Variants in CYB5D2 observed in about 807,000 individuals in gnomAD.
CYB5D2 encodes the protein neuferricin.
A neutral mutation model predicts 22.8 loss-of-function variants in CYB5D2; 23 were observed. The observed-to-expected ratio is 1.01, with a 90% CI of 0.73 to 1.43. CYB5D2 has a LOEUF of 1.43. Among genes scored for constraint, CYB5D2 ranks in the 40% most tolerant of loss-of-function variants. The pLI is 0.00. For synonymous variants in CYB5D2, 170 were observed against 152.2 expected (o/e 1.12, Z -0.86); for missense variants, 373 against 357.2 (o/e 1.04, Z -0.36).
Position 4,143,795 on chromosome 17 carries a change from G to A in CYB5D2, c.40G>A (p.Ala14Thr), listed in dbSNP as rs754434899. The change falls in exon 1 of 4, where the codon GCT becomes ACT. Residue 14 changes from alanine (A) to threonine (T), a missense_variant. Coordinates refer to ENST00000301391, the MANE Select transcript of CYB5D2 (RefSeq NM_144611.4). ...AGGCCGTGGGCTTTTGTTGGGCCTG[G>A]CTGTAGCCGCAGCAGCGGTAATGGC... Reference protein sequence around the residue: ...CGGRGLLLGLAVAAAAVMAAR... With the variant: ...CGGRGLLLGLTVAAAAVMAAR... 2 of 1,613,958 alleles carry A rather than the reference G, an allele frequency of 1.2e-6. No homozygotes were observed. The highest frequency in any genetic ancestry group is 1.1e-5 in the South Asian group (1 of 91,088).
chr17:4,156,291 T>G (rs1399744196), intron 3 of CYB5D2, among the ~76,000 whole-genome samples: 1 of 152,224 alleles, frequency 6.6e-6, no homozygotes, highest in Non-Finnish European at 1.5e-5. Context: ...ATCCTCCGTG[T>G]CTGAAGCCTA....
rs921353724 is a variant in CYB5D2 at position 4,144,125 on chromosome 17, A to G, written c.250+120A>G. 21 of 1,369,778 alleles carry G rather than the reference A, an allele frequency of 1.5e-5. No individual in the cohort carries two copies. In the African/African-American group the frequency reaches 2.9e-4, roughly 19 times the overall value. The allele number at this position is 1,369,778 out of a possible 1,614,324, so 84.9% of individuals were successfully genotyped here. A position where few individuals can be genotyped will look rare whatever the true frequency, so the allele number is the denominator to read the frequency against. On this transcript the variant is annotated intron_variant, in intron 1 of 3. Transcript: ENST00000301391. ...CCCCATCCCCACCCCACATCCATCA[A>G]ACCCGTGCGGTGGGCGGGACGAGCT...
rs758252135 is a variant in CYB5D2, at chr17:4,154,838, C to T, written c.556C>T (p.Arg186Trp). ...GGAGTGGAGCTCAGCCAGGGGCAGCCGGCTCTGGTGCTCCCAGAAGAGGTA... is the reference window on the plus strand; with the variant it reads ...GGAGTGGAGCTCAGCCAGGGGCAGCTGGCTCTGGTGCTCCCAGAAGAGGTA... ...NAEWSSARGSRLWCSQKSGGV... is the reference protein window; with the variant it reads ...NAEWSSARGSWLWCSQKSGGV... Residue 186 changes from arginine to tryptophan, a missense_variant, in exon 3 of 4, where the codon CGG (arginine) becomes TGG (tryptophan). Transcript: ENST00000301391. 1.4e-5 allele frequency: 23 copies of T among 1,613,570 alleles called. No individual in the cohort carries two copies. Among genetic ancestry groups the T allele is most frequent in the Admixed American group, 1.0e-4 (6 of 59,940 alleles).
In CYB5D2 at chr17:4,154,863, A is replaced by C. The variant is rs756745565; in HGVS notation, c.578+3A>C. 6.2e-7 allele frequency: 1 copy of C among 1,607,890 alleles called. No homozygotes were observed. The highest frequency in any genetic ancestry group is 8.5e-7 in the Non-Finnish European group (1 of 1,176,722). On this transcript the variant is annotated splice_donor_region_variant and intron_variant, in intron 3 of 3. Coordinates refer to ENST00000301391, the MANE Select transcript of CYB5D2 (RefSeq NM_144611.4). The stretch of plus-strand genomic sequence containing the variant: ...CGGCTCTGGTGCTCCCAGAAGAGGT[A>C]AGCAGGCTCCCCTTCTTCTCCTTTC...
Position 4,146,623 on chromosome 17 carries a change from C to T in CYB5D2, c.250+2618C>T, listed in dbSNP as rs547843315. On this transcript the variant is annotated intron_variant, in intron 1 of 3. Transcript: ENST00000301391. ...GCCAGGATGGTCTCGATCTCCTGAC[C>T]TCGTGATCTGCCTACCTCAGCCTCC... Among the ~76,000 whole-genome samples, 5 of 152,022 alleles carry T rather than the reference C, an allele frequency of 3.3e-5. No homozygotes were observed. The South Asian group carries it at 8.3e-4, about 25-fold the overall frequency.
chr17:4,157,156 C>A lies in CYB5D2; in HGVS notation c.*74C>A. ...TGAGTAGGCCCTTGACACTTGTGTG[C>A]CCTGGGATGCCTCCTGGCGCGAATC... On this transcript the variant is annotated 3_prime_UTR_variant, in exon 4 of 4. Coordinates refer to ENST00000301391, the MANE Select transcript of CYB5D2 (RefSeq NM_144611.4). This position sits in a 1 kb window ranked among gnomAD's most constrained non-coding sequence, Gnocchi z 4.4. The A allele has an allele frequency of 6.7e-7, 1 of 1,501,316 alleles. No homozygotes were observed. Among genetic ancestry groups the A allele is most frequent in the Non-Finnish European group, 9.1e-7 (1 of 1,096,844 alleles). 93.0% of individuals were successfully genotyped at this position (1,501,316 alleles called of 1,614,324 possible).
Position 4,143,899 on chromosome 17 carries a change from C to T in CYB5D2, c.144C>T (p.Gly48=), listed in dbSNP as rs1448357387. Residue 48 remains glycine (G), a synonymous_variant, in exon 1 of 4, where the codon GGC becomes GGT. Coordinates refer to ENST00000301391, the MANE Select transcript of CYB5D2 (RefSeq NM_144611.4). ...FIPEELSRYR[G]GPGDPGLYLA... The stretch of plus-strand genomic sequence containing the variant: ...CGGAGGAGCTGTCTCGCTACCGCGG[C>T]GGCCCAGGGGACCCGGGCCTGTACT... The T allele has an allele frequency of 6.2e-7, 1 of 1,613,984 alleles. No individual in the cohort carries two copies. The highest frequency in any genetic ancestry group is 8.5e-7 in the Non-Finnish European group (1 of 1,180,026).
intron 1 of CYB5D2, among the ~76,000 whole-genome samples, chr17:4,145,290 A>T (rs2058975799): frequency 6.6e-6 from 1 of 152,224 alleles, no homozygotes; most frequent in African/African-American, 2.4e-5. Context: ...CTGTCTAGGA[A>T]GTACTAAAGA....
Position 4,143,228 on chromosome 17 carries a change from C to T in CYB5D2, c.-528C>T, listed in dbSNP as rs2058905768. 1.6e-5 allele frequency: 4 copies of T among 254,910 alleles called. No individual in the cohort carries two copies. In the Admixed American group the frequency reaches 1.7e-4, roughly 11 times the overall value. The allele number at this position is 254,910 out of a possible 1,614,324, so 15.8% of individuals were successfully genotyped here. On this transcript the variant is annotated 5_prime_UTR_variant, in exon 1 of 4. Transcript: ENST00000301391. ...TTTGTTGGGGCTGACAACCTGCAAGCCAAGAAGTACGAGAAGGGCCAGGCG... is the reference window on the plus strand; with the variant it reads ...TTTGTTGGGGCTGACAACCTGCAAGTCAAGAAGTACGAGAAGGGCCAGGCG...
In CYB5D2 at chr17:4,143,606, A is replaced by G. The variant is rs939381979; in HGVS notation, c.-150A>G. On this transcript the variant is annotated 5_prime_UTR_variant, in exon 1 of 4. Transcript: ENST00000301391. ...CAGTGCCAGGAATACAGATAAAACG[A>G]GAGAGACTAAGGGAGGGAGCGCGAG... The G allele has an allele frequency of 8.1e-6, 9 of 1,113,330 alleles. No individual in the cohort carries two copies. Among genetic ancestry groups the G allele is most frequent in the Non-Finnish European group, 1.1e-5 (9 of 787,560 alleles). The allele number at this position is 1,113,330 out of a possible 1,614,324, so 69.0% of individuals were successfully genotyped here.
intron 1 of CYB5D2, among the ~76,000 whole-genome samples, chr17:4,144,356 C>T (rs1597969486): frequency 6.6e-6 from 1 of 152,158 alleles, no homozygotes; most frequent in African/African-American, 2.4e-5. Flanking sequence ...GATCCCGCCC[C>T]GCCCCTACCC....
chr17:4,145,429 A>G (rs566647246), intron 1 of CYB5D2, among the ~76,000 whole-genome samples: 12 of 152,340 alleles, frequency 7.9e-5, no homozygotes, highest in African/African-American at 2.9e-4. Flanking sequence ...ACTGGAATCA[A>G]GGTGTTTTGT....
At chr17:4,156,573 AC>A (rs1219058323) in intron 3 of CYB5D2, among the ~76,000 whole-genome samples, 1 of 152,216 alleles carries the variant, frequency 6.6e-6, no homozygotes, top group Non-Finnish European at 1.5e-5. Context: ...CAGTGCAGGA[AC>A]GTGGTGCTGC....
At position 4,157,319 on chromosome 17, in the gene CYB5D2, CCTA is replaced by C; in HGVS notation, c.*240_*242del. 1 of 569,606 alleles carries C rather than the reference CCTA, an allele frequency of 1.8e-6. No homozygotes were observed. 35.3% of individuals were successfully genotyped at this position (569,606 alleles called of 1,614,324 possible). ...AGCTTTTCAACACTATTCCCTTTGA[CCTA>C]CTGGCCATCTTCCTCACAGCCCTCA... On this transcript the variant is annotated 3_prime_UTR_variant, in exon 4 of 4. Coordinates refer to ENST00000301391, the MANE Select transcript of CYB5D2 (RefSeq NM_144611.4). This position sits in a 1 kb window ranked among gnomAD's most constrained non-coding sequence, Gnocchi z 4.4.
Position 4,143,634 on chromosome 17 carries a change from CTAG to C in CYB5D2, c.-121_-119del, listed in dbSNP as rs1262837001. On this transcript the variant is annotated 5_prime_UTR_variant, in exon 1 of 4. Transcript: ENST00000301391. ...GAGACTAAGGGAGGGAGCGCGAGCA[CTAG>C]CGCGCGAGAGAGAGAGCGAGAGCGC... is the stretch of plus-strand genomic sequence containing the variant. 1.5e-5 allele frequency: 21 copies of C among 1,391,434 alleles called. No individual in the cohort carries two copies. In the East Asian group the frequency reaches 2.1e-4, roughly 14 times the overall value. 86.2% of individuals were successfully genotyped at this position (1,391,434 alleles called of 1,614,324 possible).
intron 2 of CYB5D2, among the ~76,000 whole-genome samples, chr17:4,153,169 A>G (rs2059076145): frequency 6.6e-6 from 1 of 152,232 alleles, no homozygotes; most frequent in South Asian, 2.1e-4. Flanking sequence ...ACCATGCATC[A>G]AACTGTGATG....
In CYB5D2 at chr17:4,143,920, GTACT is replaced by G; in HGVS notation, c.167_170del (p.Tyr56TrpfsTer36). On this transcript the variant is annotated frameshift_variant, in exon 1 of 4. Coordinates refer to ENST00000301391, the MANE Select transcript of CYB5D2 (RefSeq NM_144611.4). LOFTEE classifies it high-confidence loss of function. Reference sequence around the variant, plus strand: ...GCGGCGGCCCAGGGGACCCGGGCCTGTACTTGGCGTTGCTCGGCCGTGTCTACGA... The same window carrying G: ...GCGGCGGCCCAGGGGACCCGGGCCTGTGGCGTTGCTCGGCCGTGTCTACGA... 1 of 1,613,794 alleles carries G rather than the reference GTACT, an allele frequency of 6.2e-7. No individual in the cohort carries two copies. Among genetic ancestry groups the G allele is most frequent in the Non-Finnish European group, 8.5e-7 (1 of 1,180,018 alleles).
At position 4,156,882 on chromosome 17, in the gene CYB5D2, G is replaced by C. The variant is rs373442180; in HGVS notation, c.595G>C (p.Asp199His). 6.2e-7 allele frequency: 1 copy of C among 1,612,632 alleles called. No homozygotes were observed. The highest frequency in any genetic ancestry group is 1.3e-5 in the African/African-American group (1 of 74,890). Residue 199 changes from aspartate (D) to histidine (H), a missense_variant, in exon 4 of 4, where the codon GAC becomes CAC. Asp to His is a moderately conservative substitution (Grantham distance 81). Coordinates refer to ENST00000301391, the MANE Select transcript of CYB5D2 (RefSeq NM_144611.4). ...CSQKSGGVSR[D>H]WIGVPRKLYK... is the part of the protein sequence containing the mutation. ...TATCCTTAGTGGAGGTGTGAGCAGA[G>C]ACTGGATTGGCGTCCCCAGGAAGCT...
intron 3 of CYB5D2, 95 bp downstream of exon 3, chr17:4,154,955 G>T (rs2059098734): frequency 7.6e-6 from 10 of 1,321,842 alleles, no homozygotes; most frequent in Non-Finnish European, 1.0e-5. Flanking sequence ...GGAATTGATT[G>T]TTAACCCTGG....
Sources: allele counts gnomAD v4.1 joint callset (sites outside exome capture counted in the v4.1 genomes callset), GRCh38; gene constraint gnomAD v4.1.1; non-coding constraint Gnocchi (gnomAD v3.1); transcripts MANE v1.5; gene names NCBI Gene and HGNC (gene_info 2026-07-23, HGNC 2026-07-21).